Variants in CAB39L observed in about 807,000 individuals in gnomAD.
CAB39L encodes calcium-binding protein 39-like.
CAB39L carries 23 observed loss-of-function variants against 39.1 expected under a neutral mutation model. The ratio of observed to expected loss-of-function variants is 0.59; its 90% CI spans 0.42 to 0.83. The LOEUF is 0.83. Ranked by LOEUF, CAB39L falls within the 40% of genes least tolerant of loss-of-function variation. CAB39L has a pLI of 0.00. For synonymous variants in CAB39L, 126 were observed against 137.2 expected (o/e 0.92, Z 0.57); for missense variants, 366 against 391.9 (o/e 0.93, Z 0.56).
chr13:49,440,715 AGTGTGTGTGTGTGTGTGTGTGTGTGTGT>A (rs56314282), intron 1 of CAB39L, among the ~76,000 whole-genome samples: 1 of 135,440 alleles, frequency 7.4e-6, no homozygotes, highest in Non-Finnish European at 1.6e-5. Context: ...ATTCCTAGGC[AGTGTGTGTGTGTGTGTGTGTGTGTGTGT>A]GTGTGTGTGT....
Position 49,336,586 on chromosome 13 carries a change from G to A in CAB39L, c.690+3091C>T, listed in dbSNP as rs183345907. 1.4e-4 allele frequency among the ~76,000 whole-genome samples: 21 copies of A among 152,096 alleles called. No homozygotes were observed. In the South Asian group the frequency reaches 2.3e-3, roughly 17 times the overall value. On this transcript the variant is annotated intron_variant, in intron 9 of 10. Coordinates refer to ENST00000409308, the MANE Select transcript of CAB39L (RefSeq NM_001079670.3). ...TCACCTTAGTTCACATAAATCTCTCGATTTTGATCCAGTATCTGATAGACT... is the reference window on the plus strand; with the variant it reads ...TCACCTTAGTTCACATAAATCTCTCAATTTTGATCCAGTATCTGATAGACT...
At chr13:49,418,416 C>A (rs1957119347) in intron 3 of CAB39L, among the ~76,000 whole-genome samples, 1 of 152,116 alleles carries the variant, frequency 6.6e-6, no homozygotes, top group East Asian at 1.9e-4. Context: ...GGTTACAGAG[C>A]TGCTTTGCAG....
rs1222509121 is a variant in CAB39L at position 49,347,539 on chromosome 13, G to GA, written c.564+3204dup. On this transcript the variant is annotated intron_variant, in intron 7 of 10. Coordinates refer to ENST00000409308, the MANE Select transcript of CAB39L (RefSeq NM_001079670.3). ...CGAAGAGCCATCTGATAGGAAAGGG[G>GA]AAAAAAATGGGACTGTAGTGTCTAT... Among the ~76,000 whole-genome samples the GA allele has an allele frequency of 3.3e-5, 5 of 152,150 alleles. No individual in the cohort carries two copies. In the East Asian group the frequency reaches 7.7e-4, roughly 23 times the overall value.
intron 1 of CAB39L, among the ~76,000 whole-genome samples, chr13:49,435,342 T>C (rs1362465566): frequency 6.6e-6 from 1 of 152,226 alleles, no homozygotes; most frequent in East Asian, 1.9e-4. Flanking sequence ...CCTTTGACTA[T>C]TCCCTCCCAT....
chr13:49,369,770 T>G (rs748657207), intron 5 of CAB39L, among the ~76,000 whole-genome samples: 30 of 152,010 alleles, frequency 2.0e-4, no homozygotes, highest in Non-Finnish European at 4.4e-4. Context: ...GTATTTTTAG[T>G]AGAGACAGGG....
chr13:49,376,028 T>C (rs1231223653), intron 5 of CAB39L, among the ~76,000 whole-genome samples: 5 of 152,196 alleles, frequency 3.3e-5, no homozygotes, highest in Admixed American at 1.3e-4. Context: ...AAATCTTCCC[T>C]GGTCTAACTT....
intron 5 of CAB39L, among the ~76,000 whole-genome samples, chr13:49,366,316 A>G (rs1955768937): frequency 6.6e-6 from 1 of 152,150 alleles, no homozygotes; most frequent in African/African-American, 2.4e-5. Context: ...ACATGCCTGT[A>G]CTAAAATATC....
At chr13:49,369,648 C>T (rs1412189890) in intron 5 of CAB39L, among the ~76,000 whole-genome samples, 1 of 151,058 alleles carries the variant, frequency 6.6e-6, no homozygotes, top group African/African-American at 2.4e-5. Flanking sequence ...AGTGCAGTGG[C>T]ATAATCTCGA....
intron 3 of CAB39L, among the ~76,000 whole-genome samples, chr13:49,432,705 C>G (rs575181222): frequency 6.6e-6 from 1 of 151,904 alleles, no homozygotes; most frequent in African/African-American, 2.4e-5. Context: ...AGACTGAGGT[C>G]CAATTTAAAT....
intron 8 of CAB39L, among the ~76,000 whole-genome samples, chr13:49,341,408 A>G (rs953313922): frequency 6.6e-6 from 1 of 152,012 alleles, no homozygotes; most frequent in African/African-American, 2.4e-5. Flanking sequence ...ACCCGCCACC[A>G]CATCTGGCTA....
chr13:49,345,438 C>T (rs2138442785), intron 7 of CAB39L, among the ~76,000 whole-genome samples: 1 of 152,210 alleles, frequency 6.6e-6, no homozygotes, highest in Admixed American at 6.5e-5. Flanking sequence ...GTGTTTTTCC[C>T]CCCCAGTGGA....
At chr13:49,388,189 C>T (rs999072017) in intron 3 of CAB39L, among the ~76,000 whole-genome samples, 3 of 152,070 alleles carry the variant, frequency 2.0e-5, no homozygotes, top group African/African-American at 7.2e-5. Flanking sequence ...TATCCCCTAA[C>T]AAACAGGTGT....
intron 3 of CAB39L, among the ~76,000 whole-genome samples, chr13:49,422,531 C>T (rs1355887613): frequency 6.6e-6 from 1 of 152,042 alleles, no homozygotes; most frequent in Non-Finnish European, 1.5e-5. Flanking sequence ...TGAGATTGTG[C>T]CACTGCACTC....
At position 49,309,208 on chromosome 13, in the gene CAB39L, G is replaced by T. The variant is rs1953920522; in HGVS notation, c.*1606C>A. On this transcript the variant is annotated 3_prime_UTR_variant, in exon 11 of 11. Coordinates refer to ENST00000409308, the MANE Select transcript of CAB39L (RefSeq NM_001079670.3). ...TCATCAGGCTGCCGGCCGGCCTCCTGCAAGGGCACTGGCCAGGGAGGCCAC... is the reference window on the plus strand; with the variant it reads ...TCATCAGGCTGCCGGCCGGCCTCCTTCAAGGGCACTGGCCAGGGAGGCCAC... 6.6e-6 allele frequency: 1 copy of T among 152,268 alleles called. No individual in the cohort carries two copies. The highest frequency in any genetic ancestry group is 2.4e-5 in the African/African-American group (1 of 41,472). The allele number at this position is 152,268 out of a possible 1,614,324, so 9.4% of individuals were successfully genotyped here.
intron 3 of CAB39L, among the ~76,000 whole-genome samples, chr13:49,394,539 G>C (rs1353281996): frequency 6.6e-6 from 1 of 151,796 alleles, no homozygotes; most frequent in African/African-American, 2.4e-5. Flanking sequence ...ATCTGTCCTA[G>C]GAAAATAAAC....
intron 9 of CAB39L, among the ~76,000 whole-genome samples, chr13:49,332,350 C>T (rs1954728285): frequency 6.6e-6 from 1 of 152,116 alleles, no homozygotes; most frequent in African/African-American, 2.4e-5. Context: ...TAGAGCTAGG[C>T]AGAAATAAAT....
intron 10 of CAB39L, among the ~76,000 whole-genome samples, chr13:49,321,265 T>G (rs1954330668): frequency 6.6e-6 from 1 of 152,256 alleles, no homozygotes; most frequent in Non-Finnish European, 1.5e-5. Flanking sequence ...AAACTGGGCT[T>G]GCATTCTGTA....
intron 9 of CAB39L, among the ~76,000 whole-genome samples, chr13:49,334,762 G>C (rs952595991): frequency 1.3e-5 from 2 of 152,168 alleles, no homozygotes; most frequent in African/African-American, 4.8e-5. Flanking sequence ...CTGAAAAAGA[G>C]ATTGCAAACA....
intron 3 of CAB39L, among the ~76,000 whole-genome samples, chr13:49,409,214 G>C (rs1956941187): frequency 6.6e-6 from 1 of 151,896 alleles, no homozygotes; most frequent in Non-Finnish European, 1.5e-5. Context: ...CGGGAAACTG[G>C]TAACACTGGC....
Sources: allele counts gnomAD v4.1 joint callset (sites outside exome capture counted in the v4.1 genomes callset), GRCh38; gene constraint gnomAD v4.1.1; transcripts MANE v1.5; gene names NCBI Gene and HGNC (gene_info 2026-07-23, HGNC 2026-07-21).